Variants in AP1M1 observed in about 807,000 individuals in gnomAD.
The protein encoded by AP1M1 is adaptor related protein complex 1 subunit mu 1, also known as AP-1 complex subunit mu-1.
AP1M1 carries 18 observed loss-of-function variants against 57.1 expected under a neutral mutation model. The observed-to-expected ratio is 0.32, with a 90% CI of 0.22 to 0.47. The LOEUF is 0.47. Among genes scored for constraint, AP1M1 ranks in the 20% least tolerant of loss-of-function variants. The pLI is 1.00. For missense variants in AP1M1, 362 were observed against 593.5 expected (o/e 0.61, Z 4.05); for synonymous variants, 241 against 237.9 (o/e 1.01, Z -0.12).
chr19:16,216,867 A>G, intron 5 of AP1M1, among the ~76,000 whole-genome samples: 1 of 152,232 alleles, frequency 6.6e-6, no homozygotes, highest in Middle Eastern at 3.2e-3. Context: ...GTGCCAGGCA[A>G]AGCACTTCAT....
intron 9 of AP1M1, 74 bp from the exon 10 acceptor site, chr19:16,233,419 G>C: frequency 6.9e-7 from 1 of 1,459,840 alleles, no homozygotes; most frequent in Non-Finnish European, 9.1e-7. Context: ...TCTGCCCATC[G>C]CCACTAGGGC....
At chr19:16,226,292 C>A in intron 5 of AP1M1, 129 bp from the exon 6 acceptor site, 1 of 1,317,910 alleles carries the variant, frequency 7.6e-7, no homozygotes, top group Non-Finnish European at 1.0e-6. Context: ...AGGGGATGCC[C>A]AGGAGAGGGA....
intron 1 of AP1M1, among the ~76,000 whole-genome samples, chr19:16,202,539 G>A (rs779493017): frequency 4.2e-4 from 64 of 152,230 alleles, no homozygotes; most frequent in Middle Eastern, 3.4e-3. Flanking sequence ...GGCACCCACC[G>A]ATGTGTTTTT....
chr19:16,208,783 A>G, intron 4 of AP1M1: 1 of 410,948 alleles, frequency 2.4e-6, no homozygotes, highest in Non-Finnish European at 4.4e-6. Context: ...GTCCCCCAAA[A>G]TGAGCACTTC....
In AP1M1 at chr19:16,244,882, T is replaced by TTTTTTTTTGTTGTTGTTG. The variant is rs370663435; in HGVS notation, c.*10449_*10450insTTTTTTGTTGTTGTTGTT. The TTTTTTTTTGTTGTTGTTG allele has an allele frequency of 8.7e-5, 13 of 149,574 alleles. No individual in the cohort carries two copies. Among genetic ancestry groups the TTTTTTTTTGTTGTTGTTG allele is most frequent in the African/African-American group, 3.0e-4 (12 of 39,910 alleles). The allele number at this position is 149,574 out of a possible 1,614,324, so 9.3% of individuals were successfully genotyped here. The stretch of plus-strand genomic sequence containing the variant: ...TAAATAACATGGATAAAATTTGTTG[T>TTTTTTTTTGTTGTTGTTG]TTGTTGTTGTTGTTGTTGTTGTTGT... On this transcript the variant is annotated 3_prime_UTR_variant, in exon 12 of 12. Coordinates refer to ENST00000291439, the MANE Select transcript of AP1M1 (RefSeq NM_032493.4).
chr19:16,218,711 C>T (rs946623067), intron 5 of AP1M1, among the ~76,000 whole-genome samples: 1 of 152,176 alleles, frequency 6.6e-6, no homozygotes, highest in African/African-American at 2.4e-5. Context: ...TCTAGGCAGT[C>T]TTTAAACAGC....
chr19:16,198,168 A>G, intron 1 of AP1M1, 100 bp downstream of exon 1: 1 of 1,379,772 alleles, frequency 7.2e-7, no homozygotes, highest in Non-Finnish European at 1.0e-6. Context: ...TATGAGCCCC[A>G]TCCTGGTGTG....
intron 5 of AP1M1, among the ~76,000 whole-genome samples, chr19:16,211,837 T>G (rs2091495513): frequency 6.6e-6 from 1 of 152,206 alleles, no homozygotes; most frequent in Admixed American, 6.5e-5. Context: ...AAAAGCCTTT[T>G]CTGCACCTAT....
Position 16,208,036 on chromosome 19 carries a change from C to G in AP1M1, c.285C>G (p.Phe95Leu). The G allele has an allele frequency of 6.2e-7, 1 of 1,613,626 alleles. No individual in the cohort carries two copies. Among genetic ancestry groups the G allele is most frequent in the African/African-American group, 1.3e-5 (1 of 74,990 alleles). ...CGCCACAGGTGTTTTCCGAGTACTT[C>G]AAGGAGCTGGAGGAGGAGAGCATCC... ...YKVVQVFSEY[F>L]KELEEESIRD... is the part of the protein sequence containing the mutation. The change falls in exon 4 of 12, where the codon TTC becomes TTG. Residue 95 changes from phenylalanine (F) to leucine (L), a missense_variant. Phe to Leu is a conservative substitution (Grantham distance 22). This residue lies in a region of AP1M1 where 337 missense variants were observed against 511.1 expected (regional missense o/e 0.66). Transcript: ENST00000291439.
chr19:16,229,437 TGAG>T (rs2091586393), intron 9 of AP1M1, among the ~76,000 whole-genome samples: 1 of 152,234 alleles, frequency 6.6e-6, no homozygotes, highest in Non-Finnish European at 1.5e-5. Context: ...TTAAGGATTC[TGAG>T]GAGCTGAGTC....
At chr19:16,229,950 A>G (rs2091588962) in intron 9 of AP1M1, among the ~76,000 whole-genome samples, 1 of 152,104 alleles carries the variant, frequency 6.6e-6, no homozygotes, top group Non-Finnish European at 1.5e-5. Context: ...TATTCCATGG[A>G]GGGGTGGTGA....
chr19:16,217,122 T>C (rs2091522372), intron 5 of AP1M1, among the ~76,000 whole-genome samples: 1 of 152,168 alleles, frequency 6.6e-6, no homozygotes, highest in Non-Finnish European at 1.5e-5. Context: ...GGTGCAGGAC[T>C]GTGTGTGCCC....
rs939456403 is a variant in AP1M1 at position 16,242,364 on chromosome 19, A to G, written c.*7929A>G. 2 of 152,174 alleles carry G rather than the reference A, an allele frequency of 1.3e-5. No individual in the cohort carries two copies. The highest frequency in any genetic ancestry group is 2.9e-5 in the Non-Finnish European group (2 of 68,040). 9.4% of individuals were successfully genotyped at this position (152,174 alleles called of 1,614,324 possible). On this transcript the variant is annotated 3_prime_UTR_variant, in exon 12 of 12. Coordinates refer to ENST00000291439, the MANE Select transcript of AP1M1 (RefSeq NM_032493.4). ...CAGGATAAATGCAGGGATGTTCTAAACTTTTTAAAATAATAAATAATAGTA... is the reference window on the plus strand; with the variant it reads ...CAGGATAAATGCAGGGATGTTCTAAGCTTTTTAAAATAATAAATAATAGTA...
rs1246642298 is a variant in AP1M1, at chr19:16,236,943, A to T, written c.*2508A>T. Reference sequence around the variant, plus strand: ...CGGCATGTAAACAAATACACTATGCAGTCAATCTGTTGCAAGTGCCTAAAG... The same window carrying T: ...CGGCATGTAAACAAATACACTATGCTGTCAATCTGTTGCAAGTGCCTAAAG... On this transcript the variant is annotated 3_prime_UTR_variant, in exon 12 of 12. Coordinates refer to ENST00000291439, the MANE Select transcript of AP1M1 (RefSeq NM_032493.4). The T allele has an allele frequency of 6.6e-6, 1 of 152,276 alleles. No homozygotes were observed. Among genetic ancestry groups the T allele is most frequent in the Non-Finnish European group, 1.5e-5 (1 of 68,048 alleles). 9.4% of individuals were successfully genotyped at this position (152,276 alleles called of 1,614,324 possible). A position where few individuals can be genotyped will look rare whatever the true frequency, so the allele number is the denominator to read the frequency against.
chr19:16,209,205 T>C, intron 5 of AP1M1, 28 bp downstream of exon 5: 1 of 1,612,210 alleles, frequency 6.2e-7, no homozygotes, highest in Non-Finnish European at 8.5e-7. Flanking sequence ...CCTTCTTCTG[T>C]AGGGTTTTAT....
rs2091642894 is a variant in AP1M1, at chr19:16,240,761, A to C, written c.*6326A>C. 6.6e-6 allele frequency: 1 copy of C among 152,060 alleles called. No homozygotes were observed. The highest frequency in any genetic ancestry group is 2.1e-4 in the South Asian group (1 of 4,820). The allele number at this position is 152,060 out of a possible 1,614,324, so 9.4% of individuals were successfully genotyped here. A position where few individuals can be genotyped will look rare whatever the true frequency, so the allele number is the denominator to read the frequency against. On this transcript the variant is annotated 3_prime_UTR_variant, in exon 12 of 12. Transcript: ENST00000291439. ...CACTGCGCCCAGCCTGAAAATCTTG[A>C]AATTTTAAGATCCAGGAAACCGTTG...
intron 9 of AP1M1, among the ~76,000 whole-genome samples, chr19:16,230,706 G>GT (rs1331933846): frequency 6.6e-6 from 1 of 152,050 alleles, no homozygotes; most frequent in Non-Finnish European, 1.5e-5. Context: ...GCTGGTAAAC[G>GT]TAACTTTTAC....
Position 16,237,587 on chromosome 19 carries a change from G to A in AP1M1, c.*3152G>A, listed in dbSNP as rs2091629998. On this transcript the variant is annotated 3_prime_UTR_variant, in exon 12 of 12. Transcript: ENST00000291439. Reference sequence around the variant, plus strand: ...ATCTCTACTAAAAATACCAAAATTAGCCAGGCATGGTGGCGGGCGCCTGTA... The same window carrying A: ...ATCTCTACTAAAAATACCAAAATTAACCAGGCATGGTGGCGGGCGCCTGTA... 6.6e-6 allele frequency: 1 copy of A among 151,604 alleles called. No individual in the cohort carries two copies. The highest frequency in any genetic ancestry group is 2.1e-4 in the South Asian group (1 of 4,804). 9.4% of individuals were successfully genotyped at this position (151,604 alleles called of 1,614,324 possible).
chr19:16,233,480 G>A lies in AP1M1; in HGVS notation c.1048-13G>A, dbSNP rs45549543. On this transcript the variant is annotated splice_polypyrimidine_tract_variant and intron_variant, in intron 9 of 11. Coordinates refer to ENST00000291439, the MANE Select transcript of AP1M1 (RefSeq NM_032493.4). The stretch of plus-strand genomic sequence containing the variant: ...GGGCCTAGGCCTGAGCGCCTCCCCC[G>A]TCTGCTCCCCAGGGCGGCAAGGAGT... 1.3e-3 allele frequency: 2,062 copies of A among 1,590,498 alleles called. 24 individuals are homozygous for A. The African/African-American group carries it at 0.022, about 17-fold the overall frequency.
Sources: gnomAD v4.1 joint callset for allele counts (sites outside exome capture counted in the v4.1 genomes callset) on GRCh38, gnomAD v4.1.1 for gene constraint, gnomAD v4.1.1 regional missense constraint, MANE v1.5 for transcripts, NCBI Gene and HGNC (gene_info 2026-07-23, HGNC 2026-07-21) for gene names.